Variants in OTOGL observed in about 807,000 individuals in gnomAD.
OTOGL encodes otogelin-like protein.
In OTOGL, 285 loss-of-function variants were observed where a neutral mutation model predicts 318.5. The observed-to-expected ratio is 0.89, with a 90% CI of 0.81 to 0.99. The LOEUF is 0.99. Among genes scored for constraint, OTOGL ranks in the 50% least tolerant of loss-of-function variants. The pLI is 0.00. For missense variants in OTOGL, 2,899 were observed against 2,845.6 expected (o/e 1.02, Z -0.43); for synonymous variants, 987 against 936.5 (o/e 1.05, Z -0.99).
In OTOGL at chr12:80,262,137, A is replaced by G. The variant is rs765148596; in HGVS notation, c.2014+44A>G. 5 of 1,565,946 alleles carry G rather than the reference A, an allele frequency of 3.2e-6. No individual in the cohort carries two copies. In the African/African-American group the frequency reaches 4.1e-5, roughly 13 times the overall value. ...CTTCCTTTCTGCTGTAAACTTAGGG[A>G]AAAGTTCTATGTATTACTATAATTT... On this transcript the variant is annotated intron_variant, in intron 19 of 58. Transcript: ENST00000547103.
intron 3 of OTOGL, 60 bp downstream of exon 3, chr12:80,210,946 C>A: frequency 1.7e-6 from 2 of 1,168,134 alleles, no homozygotes; most frequent in South Asian, 2.0e-5. Context: ...ATGAGCAAAC[C>A]TCAGCAGGCA....
At position 80,300,436 on chromosome 12, in the gene OTOGL, G is replaced by A. The variant is rs185934106; in HGVS notation, c.3064-2198G>A. Among the ~76,000 whole-genome samples the A allele has an allele frequency of 5.6e-3, 851 of 152,200 alleles. 11 individuals carry two copies. Among genetic ancestry groups the A allele is most frequent in the African/African-American group, 0.019 (791 of 41,522 alleles). ...GCAGGCATCTGAGAATCAATCCAGG[G>A]AGATTGGGCGGACAGCAGGAGATGT... On this transcript the variant is annotated intron_variant, in intron 27 of 58. Transcript: ENST00000547103.
chr12:80,149,283 TCA>T (rs1872612018), intron 1 of OTOGL, among the ~76,000 whole-genome samples: 1 of 151,856 alleles, frequency 6.6e-6, no homozygotes. Flanking sequence ...GACAGGACCC[TCA>T]GCTGCAGGTC....
intron 8 of OTOGL, among the ~76,000 whole-genome samples, 174 bp from the exon 9 acceptor site, chr12:80,232,718 C>T (rs555323502): frequency 6.6e-6 from 1 of 152,162 alleles, no homozygotes; most frequent in African/African-American, 2.4e-5. Context: ...CTGAAGTTTT[C>T]AAAAATGTTG....
chr12:80,121,527 C>T (rs1370408364), intron 1 of OTOGL, among the ~76,000 whole-genome samples: 1 of 152,126 alleles, frequency 6.6e-6, no homozygotes, highest in African/African-American at 2.4e-5. Context: ...CTATATAACA[C>T]AAACTGGATT....
At chr12:80,373,082 A>G (rs1890979403) in intron 57 of OTOGL, among the ~76,000 whole-genome samples, 1 of 152,186 alleles carries the variant, frequency 6.6e-6, no homozygotes, top group South Asian at 2.1e-4. Context: ...TAAAAATAGA[A>G]ATTTTGAGAA....
intron 44 of OTOGL, chr12:80,343,530 TTTTTTTA>T (rs1217994156): frequency 7.4e-6 from 1 of 135,782 alleles, no homozygotes; most frequent in African/African-American, 2.8e-5. Flanking sequence ...TTTTTTTTTT[TTTTTTTA>T]ACTTTCTTTT....
intron 24 of OTOGL, among the ~76,000 whole-genome samples, chr12:80,274,455 C>A (rs1883644230): frequency 6.6e-6 from 1 of 151,936 alleles, no homozygotes; most frequent in Non-Finnish European, 1.5e-5. Flanking sequence ...GACAAAGCTG[C>A]AGAAGAAAAG....
intron 24 of OTOGL, among the ~76,000 whole-genome samples, 166 bp downstream of exon 24, chr12:80,271,976 T>C (rs1002151766): frequency 6.6e-6 from 1 of 152,154 alleles, no homozygotes; most frequent in Non-Finnish European, 1.5e-5. Context: ...TCATGTGACA[T>C]TGTGAAATAT....
At chr12:80,132,885 C>G (rs944699904) in intron 1 of OTOGL, 2 of 152,108 alleles carry the variant, frequency 1.3e-5, no homozygotes, top group African/African-American at 4.8e-5. Flanking sequence ...GAAGATAATG[C>G]TAGAATTTAT....
chr12:80,190,030 C>T (rs889009382), intron 1 of OTOGL, among the ~76,000 whole-genome samples: 2 of 152,154 alleles, frequency 1.3e-5, no homozygotes, highest in African/African-American at 4.8e-5. Context: ...TCTCCGGCCC[C>T]ATTTTTGTAG....
At chr12:80,306,495 GTTAC>G (rs2137756275) in intron 29 of OTOGL, among the ~76,000 whole-genome samples, 1 of 152,226 alleles carries the variant, frequency 6.6e-6, no homozygotes, top group African/African-American at 2.4e-5. Flanking sequence ...CATTTGGTTA[GTTAC>G]TTCTCTACTT....
chr12:80,368,104 C>T, intron 54 of OTOGL, 101 bp from the exon 55 acceptor site: 1 of 846,654 alleles, frequency 1.2e-6, no homozygotes, highest in South Asian at 1.9e-5. Flanking sequence ...TTACAGTTGT[C>T]TGGAAAGAGC....
At chr12:80,267,815 G>A (rs1388270327) in intron 22 of OTOGL, among the ~76,000 whole-genome samples, 4 of 151,704 alleles carry the variant, frequency 2.6e-5, no homozygotes, top group Admixed American at 2.0e-4. Context: ...ACATTTCAAA[G>A]TGAAATAACC....
At chr12:80,172,129 C>A (rs1169879462) in intron 1 of OTOGL, among the ~76,000 whole-genome samples, 1 of 152,026 alleles carries the variant, frequency 6.6e-6, no homozygotes. Context: ...TCCTTATGTA[C>A]CCTGTGTTCT....
At chr12:80,211,805 G>C in intron 3 of OTOGL, 144 bp from the exon 4 acceptor site, 1 of 657,220 alleles carries the variant, frequency 1.5e-6, no homozygotes, top group Non-Finnish European at 2.5e-6. Flanking sequence ...AGGGGAGGGA[G>C]GACTTTTTAA....
chr12:80,260,182 A>G (rs1882412041), intron 18 of OTOGL, among the ~76,000 whole-genome samples: 1 of 152,062 alleles, frequency 6.6e-6, no homozygotes, highest in South Asian at 2.1e-4. Context: ...GGCAAGGGGA[A>G]CTGGCATTTA....
At chr12:80,367,405 A>G (rs1890610153) in intron 53 of OTOGL, among the ~76,000 whole-genome samples, 156 bp from the exon 54 acceptor site, 1 of 152,096 alleles carries the variant, frequency 6.6e-6, no homozygotes, top group South Asian at 2.1e-4. Context: ...TTAAGTAAAT[A>G]TTGGGCCATT....
intron 29 of OTOGL, among the ~76,000 whole-genome samples, chr12:80,306,472 C>A (rs986485763): frequency 6.6e-6 from 1 of 152,136 alleles, no homozygotes; most frequent in Non-Finnish European, 1.5e-5. Flanking sequence ...ACCACAATTT[C>A]CTGATTGGTT....
Sources: allele counts gnomAD v4.1 joint callset (sites outside exome capture counted in the v4.1 genomes callset), GRCh38; gene constraint gnomAD v4.1.1; transcripts MANE v1.5; gene names NCBI Gene and HGNC (gene_info 2026-07-23, HGNC 2026-07-21).